IL17D: variants seen among roughly 807,000 people sequenced by gnomAD.
IL17D encodes the protein interleukin-17D.
IL17D carries 10 observed loss-of-function variants against 5.7 expected under a neutral mutation model. The observed-to-expected ratio is 1.75, with a 90% CI of 1.08 to 2.97. IL17D has a LOEUF of 2.97. Among genes scored for constraint, IL17D ranks in the 30% most tolerant of loss-of-function variants. IL17D has a pLI of 0.00. For missense variants in IL17D, 354 were observed against 292.7 expected, an observed-to-expected ratio of 1.21 and a Z score of -1.53; for synonymous variants, 172 against 141.7, an observed-to-expected ratio of 1.21 and a Z score of -1.52.
intron 1 of IL17D, among the ~76,000 whole-genome samples, chr13:20,718,314 CGTGCG>C (rs1369279566): frequency 1.3e-5 from 2 of 152,140 alleles, no homozygotes; most frequent in African/African-American, 4.8e-5. Flanking sequence ...CTGCATGCCG[CGTGCG>C]TGTGAGCACG....
intron 1 of IL17D, among the ~76,000 whole-genome samples, chr13:20,720,458 A>G (rs2058722301): frequency 6.6e-6 from 1 of 152,174 alleles, no homozygotes; most frequent in Non-Finnish European, 1.5e-5. Flanking sequence ...TTCTACAACT[A>G]TTTGGTATGT....
intron 1 of IL17D, among the ~76,000 whole-genome samples, chr13:20,720,548 G>A (rs763726246): frequency 6.6e-6 from 1 of 151,992 alleles, no homozygotes; most frequent in African/African-American, 2.4e-5. Context: ...TTTTGCAGGC[G>A]GTCCCCACTG....
intron 1 of IL17D, among the ~76,000 whole-genome samples, chr13:20,706,525 G>C (rs1167240867): frequency 6.6e-6 from 1 of 152,266 alleles, no homozygotes; most frequent in Admixed American, 6.5e-5. Flanking sequence ...GGCTTGGGTT[G>C]TTGATGGTAT....
rs2058678070 is a variant in IL17D at position 20,716,191 on chromosome 13, C to T, written c.291-5445C>T. ...TCTTGGAGAGGGATGCTACATGTCCCTCAGTGTCCCCAGAGGACGGCGGAT... is the reference window on the plus strand; with the variant it reads ...TCTTGGAGAGGGATGCTACATGTCCTTCAGTGTCCCCAGAGGACGGCGGAT... On this transcript the variant is annotated intron_variant, in intron 1 of 1. Transcript: ENST00000682841. The surrounding 1 kb of genome is among the most constrained non-coding windows in gnomAD (Gnocchi z 4.2). 4.6e-6 allele frequency: 3 copies of T among 650,928 alleles called. No individual in the cohort carries two copies. The highest frequency in any genetic ancestry group is 5.7e-6 in the Non-Finnish European group (3 of 523,934). 40.3% of individuals were successfully genotyped at this position (650,928 alleles called of 1,614,324 possible).
Position 20,719,239 on chromosome 13 carries a change from A to G in IL17D, c.291-2397A>G, listed in dbSNP as rs551139010. Among the ~76,000 whole-genome samples, 13 of 139,984 alleles carry G rather than the reference A, an allele frequency of 9.3e-5. No homozygotes were observed. The South Asian group carries it at 9.5e-4, about 10-fold the overall frequency. 91.8% of individuals were successfully genotyped at this position (139,984 alleles called of 152,430 possible). A position where few individuals can be genotyped will look rare whatever the true frequency, so the allele number is the denominator to read the frequency against. The stretch of plus-strand genomic sequence containing the variant: ...ACTCACCACACACGCCCATGCTTAC[A>G]CGCACCTGCCCAAACATGCCCACAC... On this transcript the variant is annotated intron_variant, in intron 1 of 1. Transcript: ENST00000682841.
rs891274360 is a variant in IL17D at position 20,703,935 on chromosome 13, G to T, written c.-67G>T. The T allele has an allele frequency of 4.5e-5, 41 of 905,544 alleles. No homozygotes were observed. The highest frequency in any genetic ancestry group is 5.3e-5 in the Non-Finnish European group (40 of 756,934). 56.1% of individuals were successfully genotyped at this position (905,544 alleles called of 1,614,324 possible). On this transcript the variant is annotated 5_prime_UTR_variant, in exon 1 of 2. Coordinates refer to ENST00000682841, the MANE Select transcript of IL17D (RefSeq NM_001385224.1). ...TCCGGGCGCCGCGGGCGGGACACGG[G>T]CGCGGGGCGCAGGCGGGCTCCTCCG...
At chr13:20,720,050 A>T (rs948101384) in intron 1 of IL17D, among the ~76,000 whole-genome samples, 2 of 151,856 alleles carry the variant, frequency 1.3e-5, no homozygotes, top group African/African-American at 4.8e-5. Flanking sequence ...TCATAGTGTC[A>T]TTTCTCTCTA....
Position 20,721,908 on chromosome 13 carries a change from G to T in IL17D, c.563G>T (p.Gly188Val). 1 of 1,606,536 alleles carries T rather than the reference G, an allele frequency of 6.2e-7. No homozygotes were observed. Reference sequence around the variant, plus strand: ...ATCAACTCCAGCATCGACAAACAGGGCGCCAAGCTCCTGCTGGGCCCCAAC... The same window carrying T: ...ATCAACTCCAGCATCGACAAACAGGTCGCCAAGCTCCTGCTGGGCCCCAAC... The part of the protein sequence containing the change: ...DSINSSIDKQ[G>V]AKLLLGPNDA... The change falls in exon 2 of 2, where the codon GGC (glycine) becomes GTC (valine). Residue 188 changes from glycine to valine, a missense_variant. By Grantham distance (109) the Gly-to-Val change is moderately radical. Coordinates refer to ENST00000682841, the MANE Select transcript of IL17D (RefSeq NM_001385224.1).
At chr13:20,702,970 G>C (rs572578008), upstream of IL17D, 13 of 152,360 alleles carry the variant, frequency 8.5e-5, no homozygotes, top group African/African-American at 3.1e-4. Context: ...GCCTATTCTT[G>C]GACTGCTTTC....
At chr13:20,705,950 G>A (rs1008424116) in intron 1 of IL17D, among the ~76,000 whole-genome samples, 1 of 152,196 alleles carries the variant, frequency 6.6e-6, no homozygotes, top group Non-Finnish European at 1.5e-5. Flanking sequence ...TGTCTAAAAC[G>A]CATCTGGGCT....
chr13:20,722,268 C>CA lies in IL17D; in HGVS notation c.*314_*315insA. On this transcript the variant is annotated 3_prime_UTR_variant, in exon 2 of 2. Coordinates refer to ENST00000682841, the MANE Select transcript of IL17D (RefSeq NM_001385224.1). ...AGGCTCCCTGAGGAGCCTCTCAGAT[C>CA]GGCTGCTGCGGGTGCAGGGCGTGAC... The CA allele has an allele frequency of 2.9e-6, 1 of 348,366 alleles. No individual in the cohort carries two copies. Among genetic ancestry groups the CA allele is most frequent in the Non-Finnish European group, 5.1e-6 (1 of 194,262 alleles). The allele number at this position is 348,366 out of a possible 1,614,324, so 21.6% of individuals were successfully genotyped here. A position where few individuals can be genotyped will look rare whatever the true frequency, so the allele number is the denominator to read the frequency against.
chr13:20,704,114 T>C lies in IL17D; in HGVS notation c.113T>C (p.Leu38Pro). 1.5e-6 allele frequency: 2 copies of C among 1,301,760 alleles called. No individual in the cohort carries two copies. Among genetic ancestry groups the C allele is most frequent in the Non-Finnish European group, 2.0e-6 (2 of 1,013,924 alleles). 80.6% of individuals were successfully genotyped at this position (1,301,760 alleles called of 1,614,324 possible). The change falls in exon 1 of 2, where the codon CTA becomes CCA. Residue 38 changes from leucine to proline, a missense_variant. By Grantham distance (98) the Leu-to-Pro change is moderately conservative (BLOSUM62 -3). Transcript: ENST00000682841. ...PRGCADRPEE[L>P]LEQLYGRLAA... is the part of the protein sequence containing the mutation. ...GGCTGCGCGGACCGGCCGGAGGAGCTACTGGAGCAGCTGTACGGGCGCCTG... is the reference window on the plus strand; with the variant it reads ...GGCTGCGCGGACCGGCCGGAGGAGCCACTGGAGCAGCTGTACGGGCGCCTG...
chr13:20,703,440 C>T, upstream of IL17D: 1 of 985,246 alleles, frequency 1.0e-6, no homozygotes, highest in Non-Finnish European at 1.2e-6. Flanking sequence ...GGTCCGAGTC[C>T]CCGGGTACGA....
At chr13:20,709,860 T>C (rs879470936) in intron 1 of IL17D, among the ~76,000 whole-genome samples, 2 of 152,140 alleles carry the variant, frequency 1.3e-5, no homozygotes, top group Admixed American at 6.6e-5. Context: ...CCAAGGGCAT[T>C]GGTTGAAGGG....
Position 20,706,252 on chromosome 13 carries a change from T to C in IL17D, c.290+1961T>C, listed in dbSNP as rs548803251. ...TTGGTGCTCTTGCTTTTCCTCTCTC[T>C]TCCTCCATTTCCAGGACCTGAAGGG... On this transcript the variant is annotated intron_variant, in intron 1 of 1. Coordinates refer to ENST00000682841, the MANE Select transcript of IL17D (RefSeq NM_001385224.1). 1.7e-4 allele frequency among the ~76,000 whole-genome samples: 26 copies of C among 152,346 alleles called. No individual in the cohort carries two copies. The East Asian group carries it at 5.0e-3, about 29-fold the overall frequency.
chr13:20,703,215 C>CCA (rs2058558251), upstream of IL17D: 6 of 941,234 alleles, frequency 6.4e-6, no homozygotes, highest in South Asian at 2.4e-4. Flanking sequence ...GCTGGAAGCC[C>CCA]CAGTTTGCGT....
upstream of IL17D, chr13:20,702,279 T>G (rs1192279433): frequency 6.6e-6 from 1 of 152,226 alleles, no homozygotes; most frequent in Non-Finnish European, 1.5e-5. Context: ...TCAGTGAGAT[T>G]TTTAGCAGTA....
intron 1 of IL17D, chr13:20,712,813 C>T (rs1397806257): frequency 6.6e-6 from 1 of 152,266 alleles, no homozygotes; most frequent in Non-Finnish European, 1.5e-5. Context: ...GCGTCCTCGC[C>T]CAGCGCACTG....
intron 1 of IL17D, among the ~76,000 whole-genome samples, chr13:20,718,770 C>CCATGCTCACACACCCACA (rs2058705423): frequency 7.1e-6 from 1 of 141,676 alleles, no homozygotes; most frequent in Admixed American, 7.1e-5. Flanking sequence ...ACACACCCGC[C>CCATGCTCACACACCCACA]CATGCTCACA....
Sources: gnomAD v4.1 joint callset for allele counts (sites outside exome capture counted in the v4.1 genomes callset) on GRCh38, gnomAD v4.1.1 for gene constraint, Gnocchi (gnomAD v3.1) non-coding constraint, MANE v1.5 for transcripts, NCBI Gene and HGNC (gene_info 2026-07-23, HGNC 2026-07-21) for gene names.